Variants in HS6ST3 observed in about 807,000 individuals in gnomAD.
HS6ST3 encodes heparan-sulfate 6-O-sulfotransferase 3.
HS6ST3 carries 12 observed loss-of-function variants against 36.7 expected under a neutral mutation model. The ratio of observed to expected loss-of-function variants is 0.33; its 90% CI spans 0.21 to 0.53. HS6ST3 has a LOEUF of 0.53. Among genes scored for constraint, HS6ST3 ranks in the 20% least tolerant of loss-of-function variants. HS6ST3 has a pLI of 0.95. For synonymous variants in HS6ST3, 240 were observed against 257.5 expected, an observed-to-expected ratio of 0.93 and a Z score of 0.65; for missense variants, 584 against 640.9, an observed-to-expected ratio of 0.91 and a Z score of 0.96.
chr13:96,498,121 C>A (rs1478421756), intron 1 of HS6ST3, among the ~76,000 whole-genome samples: 1 of 152,162 alleles, frequency 6.6e-6, no homozygotes, highest in Non-Finnish European at 1.5e-5. Flanking sequence ...TGTCCTCGGA[C>A]AAGGTCTGTT....
chr13:96,328,749 C>G (rs11620207), intron 1 of HS6ST3, among the ~76,000 whole-genome samples: 1 of 152,074 alleles, frequency 6.6e-6, no homozygotes, highest in East Asian at 1.9e-4. Flanking sequence ...TAGTTTCAGA[C>G]GGAATGGTAC....
chr13:96,240,976 A>G (rs1046043218), intron 1 of HS6ST3, among the ~76,000 whole-genome samples: 2 of 152,210 alleles, frequency 1.3e-5, no homozygotes, highest in Admixed American at 6.5e-5. Context: ...GGGAGACTCA[A>G]TTGGCCTGAT....
intron 1 of HS6ST3, among the ~76,000 whole-genome samples, chr13:96,724,863 T>C (rs1182994797): frequency 2.0e-5 from 3 of 152,242 alleles, no homozygotes; most frequent in African/African-American, 7.2e-5. Flanking sequence ...ACATACATTT[T>C]ATTTCTCTTG....
chr13:96,415,975 T>C (rs1471190453), intron 1 of HS6ST3, among the ~76,000 whole-genome samples: 1 of 152,168 alleles, frequency 6.6e-6, no homozygotes, highest in Non-Finnish European at 1.5e-5. Context: ...ACAGAACTGT[T>C]TTTCATCGGT....
At chr13:96,306,128 A>G (rs2054911952) in intron 1 of HS6ST3, among the ~76,000 whole-genome samples, 1 of 138,958 alleles carries the variant, frequency 7.2e-6, no homozygotes, top group South Asian at 2.3e-4. Context: ...TTTTTAAGAC[A>G]GAGTCTCGTT....
chr13:96,564,762 A>G (rs757934741), intron 1 of HS6ST3, among the ~76,000 whole-genome samples: 6 of 152,162 alleles, frequency 3.9e-5, no homozygotes, highest in Non-Finnish European at 8.8e-5. Flanking sequence ...TACACAATTG[A>G]CCACTGGAAT....
intron 1 of HS6ST3, among the ~76,000 whole-genome samples, chr13:96,428,396 T>C (rs1178910163): frequency 6.6e-6 from 1 of 152,100 alleles, no homozygotes; most frequent in African/African-American, 2.4e-5. Context: ...ATAAATAAAA[T>C]CTTATTTTCT....
intron 1 of HS6ST3, among the ~76,000 whole-genome samples, chr13:96,643,854 G>A (rs2056578969): frequency 1.3e-5 from 2 of 151,960 alleles, no homozygotes; most frequent in South Asian, 4.1e-4. Context: ...AATGAGGGAG[G>A]AGGTGGATGG....
At chr13:96,252,997 A>C (rs548845039) in intron 1 of HS6ST3, among the ~76,000 whole-genome samples, 2 of 152,298 alleles carry the variant, frequency 1.3e-5, no homozygotes, top group East Asian at 3.9e-4. Context: ...GTATTTCTTT[A>C]TAACAACGCA....
intron 1 of HS6ST3, among the ~76,000 whole-genome samples, chr13:96,545,342 A>G (rs2056193842): frequency 6.6e-6 from 1 of 152,222 alleles, no homozygotes; most frequent in African/African-American, 2.4e-5. Flanking sequence ...CATAGTAAAG[A>G]GAAATTAAAT....
At chr13:96,710,998 G>C (rs565821917) in intron 1 of HS6ST3, among the ~76,000 whole-genome samples, 2 of 152,344 alleles carry the variant, frequency 1.3e-5, no homozygotes, top group East Asian at 3.9e-4. Context: ...ATGATTCCGT[G>C]CCTCAACTGG....
chr13:96,786,218 T>C (rs1877644037), intron 1 of HS6ST3, among the ~76,000 whole-genome samples: 1 of 152,180 alleles, frequency 6.6e-6, no homozygotes, highest in Non-Finnish European at 1.5e-5. Flanking sequence ...AATGGTTCAT[T>C]GTCATCCTTC....
At chr13:96,140,602 C>T (rs1017960592) in intron 1 of HS6ST3, among the ~76,000 whole-genome samples, 1 of 152,124 alleles carries the variant, frequency 6.6e-6, no homozygotes, top group Non-Finnish European at 1.5e-5. Context: ...CAGAGGTCTG[C>T]AGATATGGTT....
chr13:96,400,660 A>G (rs892057877), intron 1 of HS6ST3, among the ~76,000 whole-genome samples: 3 of 152,120 alleles, frequency 2.0e-5, no homozygotes, highest in African/African-American at 7.2e-5. Flanking sequence ...AGGAGTGACA[A>G]GAGAGAAGGT....
intron 1 of HS6ST3, among the ~76,000 whole-genome samples, chr13:96,431,344 G>A (rs1270042411): frequency 4.6e-5 from 7 of 152,100 alleles, no homozygotes; most frequent in African/African-American, 9.6e-5. Context: ...TTCCTCTTTC[G>A]TTCCCTCCTC....
intron 1 of HS6ST3, among the ~76,000 whole-genome samples, chr13:96,365,540 T>A (rs1489174261): frequency 6.6e-6 from 1 of 152,166 alleles, no homozygotes; most frequent in African/African-American, 2.4e-5. Context: ...AGTAAAAGAT[T>A]AATAATAAGG....
intron 1 of HS6ST3, among the ~76,000 whole-genome samples, chr13:96,120,889 G>A (rs928210154): frequency 2.6e-5 from 4 of 152,186 alleles, no homozygotes; most frequent in South Asian, 2.1e-4. Flanking sequence ...GCAGTGGAAC[G>A]TTGTATATTA....
chr13:96,488,228 A>G lies in HS6ST3; in HGVS notation c.708-344262A>G, dbSNP rs1431877279. Reference sequence around the variant, plus strand: ...CCTGTATAACAGGTAAGAAAGGGCAATTTTGCTATTTATATTTTCTCCTGT... The same window carrying G: ...CCTGTATAACAGGTAAGAAAGGGCAGTTTTGCTATTTATATTTTCTCCTGT... On this transcript the variant is annotated intron_variant, in intron 1 of 1. Coordinates refer to ENST00000376705, the MANE Select transcript of HS6ST3 (RefSeq NM_153456.4). 2.0e-5 allele frequency among the ~76,000 whole-genome samples: 3 copies of G among 151,958 alleles called. 1 individual carries two copies. In the South Asian group the frequency reaches 6.2e-4, roughly 31 times the overall value.
intron 1 of HS6ST3, among the ~76,000 whole-genome samples, chr13:96,237,615 G>C (rs1252713756): frequency 6.6e-6 from 1 of 152,074 alleles, no homozygotes; most frequent in Non-Finnish European, 1.5e-5. Flanking sequence ...AGTGATCACT[G>C]TCTTTAAAAA....
Sources: gnomAD v4.1 joint callset for allele counts (sites outside exome capture counted in the v4.1 genomes callset) on GRCh38, gnomAD v4.1.1 for gene constraint, MANE v1.5 for transcripts, NCBI Gene and HGNC (gene_info 2026-07-23, HGNC 2026-07-21) for gene names.